The following PTGIS variants were observed in gnomAD, a reference collection of about 807,000 sequenced individuals.
PTGIS encodes the protein prostacyclin synthase.
A neutral mutation model predicts 50.3 loss-of-function variants in PTGIS; 45 were observed. The ratio of observed to expected loss-of-function variants is 0.90; its 90% CI spans 0.70 to 1.15. The LOEUF (loss-of-function observed/expected upper bound fraction) is 1.15, where lower values mean the gene tolerates loss of function less well. Among genes scored for constraint, PTGIS ranks in the 50% most tolerant of loss-of-function variants. PTGIS has a pLI of 0.00. For missense variants in PTGIS, 668 were observed against 661.3 expected, an observed-to-expected ratio of 1.01 and a Z score of -0.11; for synonymous variants, 260 against 267.7, an observed-to-expected ratio of 0.97 and a Z score of 0.28.
At chr20:49,567,737 C>T (rs1346614366) in intron 1 of PTGIS, among the ~76,000 whole-genome samples, 1 of 152,212 alleles carries the variant, frequency 6.6e-6, no homozygotes, top group Non-Finnish European at 1.5e-5. Flanking sequence ...CCTGAAACCC[C>T]CTCCTAGGTC....
At chr20:49,533,965 G>A (rs936748108) in intron 5 of PTGIS, among the ~76,000 whole-genome samples, 4 of 144,228 alleles carry the variant, frequency 2.8e-5, no homozygotes, top group Non-Finnish European at 5.9e-5. Flanking sequence ...TGTCTCAAAA[G>A]CAAAAACATA....
Position 49,515,331 on chromosome 20 carries a change from C to T in PTGIS, c.856-936G>A, listed in dbSNP as rs763936452. ...CCCAATAGATAAACACTTAGGAAAA[C>T]GAGTGGAATTTCTTGCTTCAAGGCT... On this transcript the variant is annotated intron_variant, in intron 6 of 9. Coordinates refer to ENST00000244043, the MANE Select transcript of PTGIS (RefSeq NM_000961.4). Among the ~76,000 whole-genome samples, 8 of 152,094 alleles carry T rather than the reference C, an allele frequency of 5.3e-5. No homozygotes were observed. The South Asian group carries it at 8.3e-4, about 16-fold the overall frequency.
At chr20:49,532,893 G>A (rs1981969831) in intron 5 of PTGIS, among the ~76,000 whole-genome samples, 1 of 152,146 alleles carries the variant, frequency 6.6e-6, no homozygotes, top group South Asian at 2.1e-4. Context: ...AACACACTTG[G>A]TATCGGTAGA....
intron 5 of PTGIS, among the ~76,000 whole-genome samples, chr20:49,531,615 C>T (rs1158437493): frequency 1.3e-5 from 2 of 152,072 alleles, no homozygotes; most frequent in Admixed American, 6.6e-5. Context: ...GATTCCAGTA[C>T]AATTTGCTAT....
chr20:49,510,421 C>A (rs550889832), intron 9 of PTGIS, among the ~76,000 whole-genome samples: 3 of 152,288 alleles, frequency 2.0e-5, no homozygotes, highest in African/African-American at 7.2e-5. Flanking sequence ...AGATCCAATT[C>A]ATTTATCCTG....
intron 1 of PTGIS, among the ~76,000 whole-genome samples, chr20:49,561,686 G>T (rs1487294318): frequency 1.3e-5 from 2 of 152,174 alleles, no homozygotes; most frequent in African/African-American, 4.8e-5. Flanking sequence ...GCTTCTTGCT[G>T]GCTGTGTGAC....
At chr20:49,560,779 G>A (rs1982752022) in intron 1 of PTGIS, among the ~76,000 whole-genome samples, 1 of 152,194 alleles carries the variant, frequency 6.6e-6, no homozygotes, top group Admixed American at 6.5e-5. Context: ...CAGCGTGGCT[G>A]GAGTGGAGAA....
intron 1 of PTGIS, among the ~76,000 whole-genome samples, chr20:49,557,294 A>G (rs1342110267): frequency 6.6e-6 from 1 of 152,086 alleles, no homozygotes. Context: ...AAGATCTTAA[A>G]TAGAAAAGGG....
intron 1 of PTGIS, among the ~76,000 whole-genome samples, chr20:49,566,828 A>T (rs1982911088): frequency 6.6e-6 from 1 of 152,228 alleles, no homozygotes; most frequent in Admixed American, 6.5e-5. Context: ...AAAAGAGGAC[A>T]GTAATGGGAA....
At chr20:49,517,985 A>G (rs1024770659) in intron 6 of PTGIS, among the ~76,000 whole-genome samples, 6 of 152,168 alleles carry the variant, frequency 3.9e-5, no homozygotes, top group Non-Finnish European at 8.8e-5. Flanking sequence ...GCCAGTGAGT[A>G]TCAGTCTTGG....
chr20:49,567,363 C>T (rs1454760079), intron 1 of PTGIS, among the ~76,000 whole-genome samples: 35 of 152,186 alleles, frequency 2.3e-4, no homozygotes, highest in Non-Finnish European at 4.4e-5. Flanking sequence ...CCGTTCTGTC[C>T]AGGCTGTGGG....
rs769279524 is a variant in PTGIS at position 49,524,187 on chromosome 20, G to A, written c.726C>T (p.Ser242=). ...SVKSRLWKLL[S]PARLARRAHR... The stretch of plus-strand genomic sequence containing the variant: ...GGGCCCGCCTGGCCAGCCTGGCTGG[G>A]GATAGCAGCTTCCACAGGCGACTTT... The change falls in exon 6 of 10, where the codon TCC becomes TCT. Residue 242 remains serine, a synonymous_variant. Coordinates refer to ENST00000244043, the MANE Select transcript of PTGIS (RefSeq NM_000961.4). 3.1e-6 allele frequency: 5 copies of A among 1,614,226 alleles called. No homozygotes were observed. The South Asian group carries it at 3.3e-5, about 11-fold the overall frequency.
At position 49,524,181 on chromosome 20, in the gene PTGIS, G is replaced by C. The variant is rs747523341; in HGVS notation, c.732C>G (p.Ala244=). ...KSRLWKLLSP[A]RLARRAHRSK... Reference sequence around the variant, plus strand: ...TCCGGTGGGCCCGCCTGGCCAGCCTGGCTGGGGATAGCAGCTTCCACAGGC... The same window carrying C: ...TCCGGTGGGCCCGCCTGGCCAGCCTCGCTGGGGATAGCAGCTTCCACAGGC... Residue 244 remains alanine (A), a synonymous_variant, in exon 6 of 10, where the codon GCC becomes GCG. Coordinates refer to ENST00000244043, the MANE Select transcript of PTGIS (RefSeq NM_000961.4). The C allele has an allele frequency of 1.2e-6, 2 of 1,614,108 alleles. No individual in the cohort carries two copies. The highest frequency in any genetic ancestry group is 2.2e-5 in the East Asian group (1 of 44,892).
intron 6 of PTGIS, among the ~76,000 whole-genome samples, chr20:49,523,832 T>C (rs1414248329): frequency 6.6e-6 from 1 of 152,224 alleles, no homozygotes; most frequent in Non-Finnish European, 1.5e-5. Context: ...CGTGATGCTA[T>C]TTGACAGTAA....
chr20:49,536,767 GC>G (rs1982087310), intron 5 of PTGIS, among the ~76,000 whole-genome samples: 1 of 152,088 alleles, frequency 6.6e-6, no homozygotes, highest in Non-Finnish European at 1.5e-5. Flanking sequence ...ACAGGCATGA[GC>G]CTCCGCGCCC....
chr20:49,545,235 G>C (rs1000359121), intron 3 of PTGIS, among the ~76,000 whole-genome samples: 1 of 152,116 alleles, frequency 6.6e-6, no homozygotes, highest in Non-Finnish European at 1.5e-5. Flanking sequence ...GTGAGATTCT[G>C]CCTTTACAAA....
intron 7 of PTGIS, among the ~76,000 whole-genome samples, chr20:49,513,500 A>T (rs1981383932): frequency 6.6e-6 from 1 of 152,114 alleles, no homozygotes; most frequent in Non-Finnish European, 1.5e-5. Context: ...TTGTGAGGGA[A>T]GGTGGGAGCT....
intron 1 of PTGIS, among the ~76,000 whole-genome samples, chr20:49,556,157 T>C (rs765125713): frequency 3.0e-4 from 45 of 152,242 alleles, no homozygotes; most frequent in Non-Finnish European, 5.9e-4. Context: ...AGAATTTCTT[T>C]CTCTTTACCT....
intron 5 of PTGIS, among the ~76,000 whole-genome samples, chr20:49,530,327 A>C (rs373653859): frequency 1.3e-5 from 2 of 152,154 alleles, no homozygotes; most frequent in South Asian, 2.1e-4. Flanking sequence ...CTGTTCATGC[A>C]CTGATGGACA....
Sources: gnomAD v4.1 joint callset for allele counts (sites outside exome capture counted in the v4.1 genomes callset) on GRCh38, gnomAD v4.1.1 for gene constraint, MANE v1.5 for transcripts, NCBI Gene and HGNC (gene_info 2026-07-23, HGNC 2026-07-21) for gene names.